Variants in MAGI2 observed in about 807,000 individuals in gnomAD.
MAGI2 encodes the protein membrane-associated guanylate kinase, WW and PDZ domain-containing protein 2.
In MAGI2, 35 loss-of-function variants were observed where a neutral mutation model predicts 133.3. That is an observed-to-expected ratio of 0.26 (90% confidence interval 0.20 to 0.35). MAGI2 has a LOEUF of 0.35. Ranked by LOEUF, MAGI2 falls within the 10% of genes least tolerant of loss-of-function variation. MAGI2 has a pLI of 1.00. For synonymous variants in MAGI2, 729 were observed against 710.6 expected (o/e 1.03, Z -0.41); for missense variants, 1,636 against 1,863.4 (o/e 0.88, Z 2.25).
chr7:78,689,755 G>A (rs950642987), intron 2 of MAGI2, among the ~76,000 whole-genome samples: 5 of 115,154 alleles, frequency 4.3e-5, no homozygotes, highest in Non-Finnish European at 8.3e-5. Flanking sequence ...ATATGTATCA[G>A]TAATTCATTC....
At chr7:78,393,033 T>C (rs1796039461) in intron 6 of MAGI2, among the ~76,000 whole-genome samples, 1 of 151,850 alleles carries the variant, frequency 6.6e-6, no homozygotes, top group Non-Finnish European at 1.5e-5. Context: ...AATATAATAG[T>C]AAAAAAAACG....
At chr7:78,133,160 G>T in intron 17 of MAGI2, 100 bp from the exon 18 acceptor site, 1 of 934,264 alleles carries the variant, frequency 1.1e-6, no homozygotes. Flanking sequence ...GATGGCTCAG[G>T]CTTTGGTTAT....
chr7:78,638,152 G>T (rs1239726805), intron 2 of MAGI2, among the ~76,000 whole-genome samples: 2 of 152,028 alleles, frequency 1.3e-5, no homozygotes, highest in African/African-American at 2.4e-5. Context: ...GAGCAAGAAA[G>T]AAAGACAATG....
At chr7:79,128,192 T>G (rs1820603173) in intron 1 of MAGI2, among the ~76,000 whole-genome samples, 1 of 152,170 alleles carries the variant, frequency 6.6e-6, no homozygotes. Flanking sequence ...TCTCCTTTTT[T>G]TTTTGACCCA....
At chr7:78,568,246 A>C (rs1252203800) in intron 3 of MAGI2, 1 of 152,142 alleles carries the variant, frequency 6.6e-6, no homozygotes, top group Non-Finnish European at 1.5e-5. Context: ...GAAGTCATTC[A>C]GTCTTATGGA....
chr7:79,349,526 C>T (rs1841553218), intron 1 of MAGI2, among the ~76,000 whole-genome samples: 1 of 151,960 alleles, frequency 6.6e-6, no homozygotes, highest in Non-Finnish European at 1.5e-5. Context: ...TTATTCCCCA[C>T]AACACTCTTT....
chr7:79,315,173 T>A (rs2129561064), intron 1 of MAGI2, among the ~76,000 whole-genome samples: 1 of 151,720 alleles, frequency 6.6e-6, no homozygotes, highest in Non-Finnish European at 1.5e-5. Flanking sequence ...TCTTTTTTTT[T>A]TTTTTAAGGT....
intron 2 of MAGI2, among the ~76,000 whole-genome samples, chr7:78,969,418 A>G (rs1318093056): frequency 6.6e-6 from 1 of 151,840 alleles, no homozygotes; most frequent in Non-Finnish European, 1.5e-5. Flanking sequence ...TTATCTGTTA[A>G]ATTTTCCGTT....
intron 6 of MAGI2, among the ~76,000 whole-genome samples, chr7:78,458,858 TCTCCTGAC>T (rs1219792644): frequency 2.0e-5 from 3 of 152,226 alleles, no homozygotes; most frequent in Admixed American, 1.3e-4. Context: ...ATGGTCTAGA[TCTCCTGAC>T]CTCGTGATCC....
chr7:79,373,911 A>C (rs983957094), intron 1 of MAGI2, among the ~76,000 whole-genome samples: 1 of 152,054 alleles, frequency 6.6e-6, no homozygotes, highest in Admixed American at 6.6e-5. Context: ...AAAAATTTTA[A>C]AATTTTATCA....
intron 10 of MAGI2, among the ~76,000 whole-genome samples, chr7:78,218,670 C>A (rs1434115674): frequency 6.6e-6 from 1 of 152,182 alleles, no homozygotes; most frequent in East Asian, 1.9e-4. Flanking sequence ...AAAGTATGAG[C>A]CACCTCTGTC....
chr7:79,052,254 TG>T (rs1357517970), intron 1 of MAGI2, among the ~76,000 whole-genome samples: 2 of 152,146 alleles, frequency 1.3e-5, no homozygotes, highest in Admixed American at 1.3e-4. Context: ...GACAGGAGCA[TG>T]GCTACTATCA....
intron 1 of MAGI2, among the ~76,000 whole-genome samples, chr7:79,448,144 T>C (rs1215355329): frequency 6.6e-6 from 1 of 151,934 alleles, no homozygotes; most frequent in Admixed American, 6.6e-5. Flanking sequence ...ATAAACTATG[T>C]CTAAAGTATA....
chr7:79,108,539 G>A (rs1818634671), intron 1 of MAGI2, among the ~76,000 whole-genome samples: 1 of 152,130 alleles, frequency 6.6e-6, no homozygotes, highest in African/African-American at 2.4e-5. Flanking sequence ...TCCTGATTGT[G>A]ATTAATACAT....
At chr7:78,404,237 T>C (rs1021105493) in intron 6 of MAGI2, among the ~76,000 whole-genome samples, 3 of 152,120 alleles carry the variant, frequency 2.0e-5, no homozygotes, top group African/African-American at 7.2e-5. Context: ...AAAATGGCCA[T>C]AGTGCCCAAG....
intron 2 of MAGI2, among the ~76,000 whole-genome samples, chr7:78,869,657 T>C (rs1423151738): frequency 6.6e-6 from 1 of 151,650 alleles, no homozygotes; most frequent in African/African-American, 2.4e-5. Context: ...GGAGAGAGAG[T>C]GCTAGGAAGA....
chr7:79,411,849 C>A (rs896867267), intron 1 of MAGI2: 2 of 151,466 alleles, frequency 1.3e-5, no homozygotes, highest in Non-Finnish European at 2.9e-5. Context: ...TACCTATTGA[C>A]ATGAAAGGAA....
chr7:78,702,311 T>C (rs1225169795), intron 2 of MAGI2, among the ~76,000 whole-genome samples: 1 of 152,038 alleles, frequency 6.6e-6, no homozygotes, highest in Non-Finnish European at 1.5e-5. Context: ...TTAAAAATAA[T>C]TTATGCTTCT....
chr7:79,135,674 C>T (rs1821329595), intron 1 of MAGI2, among the ~76,000 whole-genome samples: 1 of 151,998 alleles, frequency 6.6e-6, no homozygotes, highest in Admixed American at 6.6e-5. Context: ...CTGTGGCCGA[C>T]AGATGTAATC....
Sources: gnomAD v4.1 joint callset for allele counts (sites outside exome capture counted in the v4.1 genomes callset) on GRCh38, gnomAD v4.1.1 for gene constraint, MANE v1.5 for transcripts, NCBI Gene and HGNC (gene_info 2026-07-23, HGNC 2026-07-21) for gene names.